The following PTPRD variants were observed in gnomAD, a reference collection of about 807,000 sequenced individuals.
The protein encoded by PTPRD is receptor-type tyrosine-protein phosphatase delta.
PTPRD carries 34 observed loss-of-function variants against 214.5 expected under a neutral mutation model. The ratio of observed to expected loss-of-function variants is 0.16; its 90% CI spans 0.12 to 0.21. The LOEUF (loss-of-function observed/expected upper bound fraction) is 0.21. PTPRD is among the 10% of genes least tolerant of loss of function. PTPRD has a pLI of 1.00. For synonymous variants in PTPRD, 1,128 were observed against 845.7 expected (o/e 1.33, Z -5.79); for missense variants, 2,545 against 2,398.7 (o/e 1.06, Z -1.27).
At chr9:10,479,318 T>A (rs958306077) in intron 2 of PTPRD, among the ~76,000 whole-genome samples, 2 of 152,068 alleles carry the variant, frequency 1.3e-5, no homozygotes, top group African/African-American at 2.4e-5. Flanking sequence ...ATCTTCATAT[T>A]TCAGGCTTTT....
At chr9:9,385,821 TA>T (rs2063699297) in intron 9 of PTPRD, among the ~76,000 whole-genome samples, 1 of 152,164 alleles carries the variant, frequency 6.6e-6, no homozygotes, top group African/African-American at 2.4e-5. Flanking sequence ...ATCTTGTAAT[TA>T]AAGTGAACAG....
chr9:9,035,272 C>T (rs990639739), intron 10 of PTPRD, among the ~76,000 whole-genome samples: 1 of 152,050 alleles, frequency 6.6e-6, no homozygotes, highest in Non-Finnish European at 1.5e-5. Flanking sequence ...ATTTTCCTTT[C>T]CTCCCTTTTT....
intron 5 of PTPRD, among the ~76,000 whole-genome samples, chr9:9,806,986 T>A (rs1418337210): frequency 6.6e-6 from 1 of 151,918 alleles, no homozygotes; most frequent in Non-Finnish European, 1.5e-5. Flanking sequence ...AATGCAAACC[T>A]CAGAACAAAG....
intron 11 of PTPRD, among the ~76,000 whole-genome samples, chr9:8,965,645 G>A (rs2117103): frequency 0.43 from 64,929 of 151,832 alleles, 15,047 homozygotes; most frequent in East Asian, 0.77. Flanking sequence ...CCTTAAAATC[G>A]TAAGTGTCAT....
intron 8 of PTPRD, among the ~76,000 whole-genome samples, chr9:9,447,648 A>C (rs2090888738): frequency 6.6e-6 from 1 of 152,118 alleles, no homozygotes; most frequent in South Asian, 2.1e-4. Context: ...AGAAACCTGC[A>C]CATGTACCCC....
intron 3 of PTPRD, among the ~76,000 whole-genome samples, chr9:10,323,602 T>C (rs2096593767): frequency 1.3e-5 from 2 of 151,646 alleles, no homozygotes; most frequent in South Asian, 4.2e-4. Context: ...TGGGCAAAGA[T>C]GGAGGGGCAT....
At chr9:10,138,845 A>G (rs933300977) in intron 3 of PTPRD, among the ~76,000 whole-genome samples, 1 of 152,122 alleles carries the variant, frequency 6.6e-6, no homozygotes, top group African/African-American at 2.4e-5. Flanking sequence ...ATAAAATCCA[A>G]CATCGCTTCA....
At chr9:9,116,484 G>C (rs766553740) in intron 10 of PTPRD, among the ~76,000 whole-genome samples, 1 of 152,000 alleles carries the variant, frequency 6.6e-6, no homozygotes, top group Non-Finnish European at 1.5e-5. Flanking sequence ...GGTAGGAGGG[G>C]CTGAGGGATG....
chr9:8,605,014 CA>C, intron 14 of PTPRD, among the ~76,000 whole-genome samples: 1 of 152,084 alleles, frequency 6.6e-6, no homozygotes. Flanking sequence ...ATTTAAGTAA[CA>C]AAACAAAAAT....
intron 2 of PTPRD, among the ~76,000 whole-genome samples, chr9:10,427,846 G>T (rs1019682609): frequency 6.6e-6 from 1 of 152,030 alleles, no homozygotes; most frequent in Non-Finnish European, 1.5e-5. Context: ...ATTATTTTAT[G>T]TATTTTAAAC....
At chr9:10,446,480 CCT>C (rs1351186199) in intron 2 of PTPRD, among the ~76,000 whole-genome samples, 1 of 116,986 alleles carries the variant, frequency 8.5e-6, no homozygotes, top group Non-Finnish European at 1.7e-5. Flanking sequence ...TTGAAATTCT[CCT>C]CTTTTAGTGG....
intron 9 of PTPRD, among the ~76,000 whole-genome samples, chr9:9,215,273 T>C (rs1467653351): frequency 1.3e-5 from 2 of 152,146 alleles, no homozygotes; most frequent in Non-Finnish European, 2.9e-5. Context: ...TAACCCAGGT[T>C]ATGCAATGGA....
At chr9:8,401,559 C>A (rs1377045868) in intron 36 of PTPRD, among the ~76,000 whole-genome samples, 4 of 152,016 alleles carry the variant, frequency 2.6e-5, no homozygotes, top group Non-Finnish European at 5.9e-5. Flanking sequence ...TTTTCCTAGC[C>A]TAAATAAAAT....
intron 2 of PTPRD, among the ~76,000 whole-genome samples, chr9:10,360,409 G>A (rs1008315166): frequency 1.3e-5 from 2 of 152,196 alleles, no homozygotes; most frequent in African/African-American, 2.4e-5. Context: ...TAGCCATTCT[G>A]CAGGGCATGT....
chr9:8,910,647 C>A (rs887211082), intron 11 of PTPRD, among the ~76,000 whole-genome samples: 1 of 152,074 alleles, frequency 6.6e-6, no homozygotes, highest in African/African-American at 2.4e-5. Context: ...GCCTCCAGAA[C>A]TGTAAGAAAT....
At chr9:8,997,845 A>G (rs2099402789) in intron 11 of PTPRD, among the ~76,000 whole-genome samples, 1 of 152,146 alleles carries the variant, frequency 6.6e-6, no homozygotes, top group African/African-American at 2.4e-5. Flanking sequence ...CAGTGAATAC[A>G]CAAATGATAA....
At chr9:8,443,775 T>G (rs1461010690) in intron 34 of PTPRD, among the ~76,000 whole-genome samples, 1 of 152,166 alleles carries the variant, frequency 6.6e-6, no homozygotes. Flanking sequence ...GCACCACCAA[T>G]GCTACCAGTA....
chr9:8,915,471 A>G (rs1463127927), intron 11 of PTPRD, among the ~76,000 whole-genome samples: 2 of 152,126 alleles, frequency 1.3e-5, no homozygotes, highest in Non-Finnish European at 2.9e-5. Context: ...GAAGATCGGA[A>G]CAATGTGATA....
intron 3 of PTPRD, among the ~76,000 whole-genome samples, chr9:10,193,132 C>A (rs911703285): frequency 6.6e-6 from 1 of 152,066 alleles, no homozygotes; most frequent in Non-Finnish European, 1.5e-5. Context: ...CCTTTATCAA[C>A]CCCCTTCCCC....
Sources: allele counts gnomAD v4.1 joint callset (sites outside exome capture counted in the v4.1 genomes callset), GRCh38; gene constraint gnomAD v4.1.1; transcripts MANE v1.5; gene names NCBI Gene and HGNC (gene_info 2026-07-23, HGNC 2026-07-21).